The following CSRNP3 variants were observed in gnomAD, a reference collection of about 807,000 sequenced individuals.
The protein encoded by CSRNP3 is cysteine/serine-rich nuclear protein 3.
In CSRNP3, 12 loss-of-function variants were observed where a neutral mutation model predicts 48.0. The observed-to-expected ratio is 0.25, with a 90% CI of 0.16 to 0.41. The LOEUF is 0.41. Among genes scored for constraint, CSRNP3 ranks in the 10% least tolerant of loss-of-function variants. The pLI, the probability that CSRNP3 is intolerant of heterozygous loss-of-function variation, is 1.00. For missense variants in CSRNP3, 580 were observed against 724.4 expected, an observed-to-expected ratio of 0.80 and a Z score of 2.29; for synonymous variants, 263 against 269.7, an observed-to-expected ratio of 0.98 and a Z score of 0.24.
chr2:165,561,203 G>A (rs1359294240), intron 3 of CSRNP3, among the ~76,000 whole-genome samples: 1 of 152,178 alleles, frequency 6.6e-6, no homozygotes, highest in Non-Finnish European at 1.5e-5. Flanking sequence ...GTGGCCACTT[G>A]AAATCTTTAT....
chr2:165,545,119 A>G (rs1177181932), intron 3 of CSRNP3, among the ~76,000 whole-genome samples: 2 of 152,192 alleles, frequency 1.3e-5, no homozygotes, highest in African/African-American at 4.8e-5. Context: ...ATTGCATTCA[A>G]CACCATGGAG....
intron 3 of CSRNP3, among the ~76,000 whole-genome samples, chr2:165,540,777 G>A (rs1247478134): frequency 6.6e-6 from 1 of 152,050 alleles, no homozygotes; most frequent in African/African-American, 2.4e-5. Context: ...TAGTGACCTA[G>A]AGGGGTAATT....
intron 3 of CSRNP3, among the ~76,000 whole-genome samples, chr2:165,529,822 G>T (rs1375959887): frequency 6.6e-6 from 1 of 152,118 alleles, no homozygotes; most frequent in Non-Finnish European, 1.5e-5. Flanking sequence ...TAAAATTTTA[G>T]CAAACTCCTA....
At chr2:165,608,206 A>G (rs778824794) in intron 4 of CSRNP3, among the ~76,000 whole-genome samples, 4 of 151,930 alleles carry the variant, frequency 2.6e-5, no homozygotes, top group Non-Finnish European at 5.9e-5. Context: ...CAGATAATGC[A>G]CTCAAAGTAT....
intron 1 of CSRNP3, among the ~76,000 whole-genome samples, chr2:165,483,665 G>T (rs1199055172): frequency 6.6e-6 from 1 of 152,170 alleles, no homozygotes; most frequent in Admixed American, 6.5e-5. Flanking sequence ...CACATTTCTG[G>T]AGGATGGAAG....
At chr2:165,570,730 C>A (rs191627595) in intron 3 of CSRNP3, among the ~76,000 whole-genome samples, 5 of 151,620 alleles carry the variant, frequency 3.3e-5, no homozygotes, top group Non-Finnish European at 7.4e-5. Context: ...TTTTAATGCC[C>A]CAAAGTTTTG....
chr2:165,655,806 G>C (rs1244579844), intron 4 of CSRNP3, among the ~76,000 whole-genome samples: 1 of 152,154 alleles, frequency 6.6e-6, no homozygotes, highest in East Asian at 1.9e-4. Flanking sequence ...TGTTCTTTCT[G>C]TGTCTCTTCA....
intron 1 of CSRNP3, among the ~76,000 whole-genome samples, chr2:165,489,359 A>C: frequency 7.2e-6 from 1 of 138,564 alleles, no homozygotes; most frequent in African/African-American, 2.8e-5. Flanking sequence ...GCCGAATTCT[A>C]CCAGAGGTAC....
chr2:165,666,964 A>AAAGAGAGAG (rs1423333062), intron 5 of CSRNP3, among the ~76,000 whole-genome samples: 3 of 139,334 alleles, frequency 2.2e-5, no homozygotes, highest in Non-Finnish European at 3.1e-5. Context: ...GGAAGGAAGG[A>AAAGAGAGAG]AGGAAGGAAA....
chr2:165,558,356 AG>A (rs1231949749), intron 3 of CSRNP3, among the ~76,000 whole-genome samples: 5 of 152,214 alleles, frequency 3.3e-5, no homozygotes, highest in Non-Finnish European at 7.3e-5. Flanking sequence ...TTGCTGATGA[AG>A]GGTTATCTGA....
chr2:165,498,356 C>T (rs1684309406), intron 2 of CSRNP3, among the ~76,000 whole-genome samples: 1 of 151,924 alleles, frequency 6.6e-6, no homozygotes, highest in Non-Finnish European at 1.5e-5. Flanking sequence ...TCCACTTTTG[C>T]CAGATGGATG....
At position 165,478,286 on chromosome 2, in the gene CSRNP3, T is replaced by A. The variant is rs75968218; in HGVS notation, c.-283+8546T>A. 2.9e-3 allele frequency among the ~76,000 whole-genome samples: 436 copies of A among 152,184 alleles called. 2 individuals are homozygous for A. Among genetic ancestry groups the A allele is most frequent in the African/African-American group, 0.01 (420 of 41,530 alleles). The stretch of plus-strand genomic sequence containing the variant: ...ACAATTTTCAAACTATAAAAATAGC[T>A]CCAATGTTTCTAATACAAAAACACT... On this transcript the variant is annotated intron_variant, in intron 1 of 6. Coordinates refer to ENST00000651982, the MANE Select transcript of CSRNP3 (RefSeq NM_001172173.2).
intron 3 of CSRNP3, among the ~76,000 whole-genome samples, chr2:165,557,486 A>G (rs77582784): frequency 0.032 from 4,891 of 152,238 alleles, 232 homozygotes; most frequent in African/African-American, 0.11. Flanking sequence ...GCATTTAAGG[A>G]AAGATTGGCC....
At chr2:165,674,921 C>T (rs761455141) in intron 5 of CSRNP3, among the ~76,000 whole-genome samples, 5 of 151,492 alleles carry the variant, frequency 3.3e-5, no homozygotes, top group African/African-American at 4.9e-5. Flanking sequence ...TCATGTTGCC[C>T]AGGCTGGTCT....
At chr2:165,535,030 T>A (rs1187223512) in intron 3 of CSRNP3, among the ~76,000 whole-genome samples, 2 of 151,822 alleles carry the variant, frequency 1.3e-5, no homozygotes, top group Non-Finnish European at 2.9e-5. Context: ...TACTTGAGAC[T>A]TGGCTTGGCT....
chr2:165,506,209 G>A (rs796606033), intron 2 of CSRNP3, among the ~76,000 whole-genome samples: 1 of 152,076 alleles, frequency 6.6e-6, no homozygotes, highest in East Asian at 1.9e-4. Flanking sequence ...AGACAAGAAG[G>A]CATCTCTTCC....
At chr2:165,521,645 A>T (rs1327906796) in intron 3 of CSRNP3, among the ~76,000 whole-genome samples, 1 of 152,158 alleles carries the variant, frequency 6.6e-6, no homozygotes, top group Non-Finnish European at 1.5e-5. Flanking sequence ...TAGCATTCTT[A>T]TTCTTCCATC....
chr2:165,650,403 A>G (rs1263593982), intron 4 of CSRNP3, among the ~76,000 whole-genome samples: 1 of 152,204 alleles, frequency 6.6e-6, no homozygotes, highest in Non-Finnish European at 1.5e-5. Flanking sequence ...AAGAGAAGCC[A>G]ACCTTGGCTA....
chr2:165,554,063 A>C (rs1436331665), intron 3 of CSRNP3, among the ~76,000 whole-genome samples: 1 of 152,090 alleles, frequency 6.6e-6, no homozygotes, highest in Non-Finnish European at 1.5e-5. Flanking sequence ...TCTAATTGTA[A>C]ATTTTCAGCC....
Sources: gnomAD v4.1 joint callset for allele counts (sites outside exome capture counted in the v4.1 genomes callset) on GRCh38, gnomAD v4.1.1 for gene constraint, MANE v1.5 for transcripts, NCBI Gene and HGNC (gene_info 2026-07-23, HGNC 2026-07-21) for gene names.